KIAA0319: variants seen among roughly 807,000 people sequenced by gnomAD.
KIAA0319 encodes the protein dyslexia-associated protein KIAA0319.
KIAA0319 carries 83 observed loss-of-function variants against 108.4 expected under a neutral mutation model. That is an observed-to-expected ratio of 0.77 (90% confidence interval 0.64 to 0.92). KIAA0319 has a LOEUF of 0.92. KIAA0319 is among the 40% of genes least tolerant of loss of function. The pLI, the probability that KIAA0319 is intolerant of heterozygous loss-of-function variation, is 0.00. For missense variants in KIAA0319, 1,195 were observed against 1,322.4 expected (o/e 0.90, Z 1.49); for synonymous variants, 484 against 510.4 (o/e 0.95, Z 0.70).
chr6:24,595,273 G>A (rs971775651), intron 3 of KIAA0319, among the ~76,000 whole-genome samples: 4 of 152,012 alleles, frequency 2.6e-5, no homozygotes, highest in Non-Finnish European at 2.9e-5. Flanking sequence ...GTATCCAGGC[G>A]CGGTGGCTCA....
intron 1 of KIAA0319, among the ~76,000 whole-genome samples, chr6:24,608,164 A>G (rs2127546866): frequency 1.3e-5 from 2 of 152,224 alleles, no homozygotes; most frequent in Non-Finnish European, 2.9e-5. Context: ...TTAACAAGGT[A>G]TTTGCACATC....
rs761278393 is a variant in KIAA0319 at position 24,596,303 on chromosome 6, C to A, written c.371G>T (p.Gly124Val). ...LDYGDMMLNRGSPSGIWGDSP... is the reference protein window; with the variant it reads ...LDYGDMMLNRVSPSGIWGDSP... ...GTCCCCCCAGATCCCCGAGGGGGAG[C>A]CCCTGTTCAGCATCATGTCCCCATA... The change falls in exon 3 of 21, where the codon GGC (glycine) becomes GTC (valine). Residue 124 changes from glycine to valine, a missense_variant. Gly to Val is a moderately radical substitution (Grantham distance 109). Transcript: ENST00000378214. The A allele has an allele frequency of 6.2e-7, 1 of 1,614,146 alleles. No homozygotes were observed. The highest frequency in any genetic ancestry group is 8.5e-7 in the Non-Finnish European group (1 of 1,179,980).
chr6:24,580,318 C>A (rs191464793), intron 7 of KIAA0319, among the ~76,000 whole-genome samples: 15 of 146,216 alleles, frequency 1.0e-4, no homozygotes, highest in East Asian at 8.1e-4. Context: ...AACTCCCCCC[C>A]CCACCCCCCA....
intron 12 of KIAA0319, 127 bp from the exon 13 acceptor site, chr6:24,569,056 G>A (rs376155022): frequency 4.7e-5 from 45 of 955,442 alleles, no homozygotes; most frequent in African/African-American, 4.4e-4. Context: ...AGAATTCTAA[G>A]AAAACTCCAT....
chr6:24,557,288 G>A (rs1366462195), intron 17 of KIAA0319, among the ~76,000 whole-genome samples: 3 of 152,150 alleles, frequency 2.0e-5, no homozygotes, highest in Non-Finnish European at 2.9e-5. Flanking sequence ...GATCACTTGA[G>A]GCCAGGAGTT....
chr6:24,603,135 A>T (rs1266115372), intron 1 of KIAA0319, among the ~76,000 whole-genome samples: 2 of 152,244 alleles, frequency 1.3e-5, no homozygotes, highest in African/African-American at 4.8e-5. Flanking sequence ...CATGCATTTT[A>T]TTAAATACAG....
At chr6:24,586,456 G>A (rs1270342924) in intron 4 of KIAA0319, among the ~76,000 whole-genome samples, 1 of 152,160 alleles carries the variant, frequency 6.6e-6, no homozygotes, top group Non-Finnish European at 1.5e-5. Flanking sequence ...ATACCAGGAA[G>A]AGAAGGGTGA....
At chr6:24,571,228 A>C (rs1764681306) in intron 11 of KIAA0319, among the ~76,000 whole-genome samples, 1 of 151,884 alleles carries the variant, frequency 6.6e-6, no homozygotes, top group Non-Finnish European at 1.5e-5. Context: ...TATTGATATA[A>C]ATAGATAAAA....
chr6:24,558,005 T>C (rs570257071), intron 17 of KIAA0319, among the ~76,000 whole-genome samples: 177 of 152,328 alleles, frequency 1.2e-3, no homozygotes, highest in Non-Finnish European at 1.9e-3. Flanking sequence ...ATAAAAATTT[T>C]CTTTGGATGG....
At chr6:24,580,632 T>C (rs186539537) in intron 7 of KIAA0319, among the ~76,000 whole-genome samples, 4 of 151,466 alleles carry the variant, frequency 2.6e-5, no homozygotes, top group African/African-American at 9.7e-5. Context: ...TCACGGAGAG[T>C]GGAGGTAGAA....
At chr6:24,643,358 A>C (rs1365382593) in intron 1 of KIAA0319, among the ~76,000 whole-genome samples, 1 of 152,188 alleles carries the variant, frequency 6.6e-6, no homozygotes, top group Non-Finnish European at 1.5e-5. Context: ...GGTACACTAA[A>C]AGCCCAGACT....
downstream of KIAA0319, among the ~76,000 whole-genome samples, chr6:24,543,354 TTCACAGA>T (rs1315713008): frequency 2.0e-5 from 3 of 152,224 alleles, no homozygotes; most frequent in Admixed American, 2.0e-4. Context: ...TGGTCATGGT[TTCACAGA>T]TGTGCACACA....
At chr6:24,606,806 G>A (rs1159150642) in intron 1 of KIAA0319, among the ~76,000 whole-genome samples, 2 of 152,204 alleles carry the variant, frequency 1.3e-5, no homozygotes, top group Non-Finnish European at 2.9e-5. Flanking sequence ...TAAAACTTCT[G>A]AGGGAAGCTC....
At chr6:24,623,046 GAAAA>G (rs540546428) in intron 1 of KIAA0319, among the ~76,000 whole-genome samples, 1 of 143,276 alleles carries the variant, frequency 7.0e-6, no homozygotes, top group Non-Finnish European at 1.5e-5. Context: ...CTCATTAAAA[GAAAA>G]AAAAAAGAGA....
At chr6:24,542,215 C>A (rs1760217165), downstream of KIAA0319, among the ~76,000 whole-genome samples, 1 of 152,180 alleles carries the variant, frequency 6.6e-6, no homozygotes, top group Non-Finnish European at 1.5e-5. Context: ...GATTTTGTTC[C>A]TTTACTTAGC....
intron 18 of KIAA0319, among the ~76,000 whole-genome samples, chr6:24,555,972 T>C (rs1189616887): frequency 6.6e-6 from 1 of 152,196 alleles, no homozygotes; most frequent in Non-Finnish European, 1.5e-5. Context: ...AAGGGAATTT[T>C]CTCATTAGGA....
At position 24,566,616 on chromosome 6, in the gene KIAA0319, C is replaced by A. The variant is rs1763930171; in HGVS notation, c.2273G>T (p.Gly758Val). ...ACTCACTCCAGCTGCTGGACTCTGG[C>A]CATCCCGGATCCACAGATAGGACAC... is the stretch of plus-strand genomic sequence containing the variant. ...RIVSYLWIRDGQSPAAGDVID... is the reference protein window; with the variant it reads ...RIVSYLWIRDVQSPAAGDVID... Residue 758 changes from glycine to valine, a missense_variant, in exon 14 of 21, where the codon GGC (glycine) becomes GTC (valine). Transcript: ENST00000378214. 1 of 1,611,042 alleles carries A rather than the reference C, an allele frequency of 6.2e-7. No homozygotes were observed. The highest frequency in any genetic ancestry group is 1.3e-5 in the African/African-American group (1 of 74,828).
At chr6:24,583,547 C>T in intron 5 of KIAA0319, 57 bp downstream of exon 5, 1 of 1,162,564 alleles carries the variant, frequency 8.6e-7, no homozygotes, top group Non-Finnish European at 1.3e-6. Context: ...CTGTAAGGAC[C>T]TGCTGAAGAA....
intron 1 of KIAA0319, among the ~76,000 whole-genome samples, chr6:24,634,929 T>G (rs1356397402): frequency 6.6e-6 from 1 of 152,116 alleles, no homozygotes; most frequent in Non-Finnish European, 1.5e-5. Context: ...ATCCACATGT[T>G]CCAAGGGAAA....
Sources: gnomAD v4.1 joint callset for allele counts (sites outside exome capture counted in the v4.1 genomes callset) on GRCh38, gnomAD v4.1.1 for gene constraint, MANE v1.5 for transcripts, NCBI Gene and HGNC (gene_info 2026-07-23, HGNC 2026-07-21) for gene names.